The following DMGDH variants were observed in gnomAD, a reference collection of about 807,000 sequenced individuals.
DMGDH encodes the protein dimethylglycine dehydrogenase, also known as dimethylglycine dehydrogenase, mitochondrial.
Under a neutral mutation model 95.2 loss-of-function variants are expected in DMGDH, and 76 were observed. The observed-to-expected ratio is 0.80, with a 90% CI of 0.66 to 0.97. The LOEUF is 0.97. Among genes scored for constraint, DMGDH ranks in the 50% least tolerant of loss-of-function variants. DMGDH has a pLI of 0.00. For synonymous variants in DMGDH, 345 were observed against 377.6 expected (o/e 0.91, Z 1.00); for missense variants, 987 against 1,055.0 (o/e 0.94, Z 0.89).
intron 2 of DMGDH, among the ~76,000 whole-genome samples, chr5:79,056,527 A>G (rs1755034899): frequency 6.6e-6 from 1 of 151,420 alleles, no homozygotes; most frequent in Non-Finnish European, 1.5e-5. Context: ...TGGGCAAAAG[A>G]GCAAAACTCC....
chr5:79,015,128 C>T (rs190418130), intron 14 of DMGDH, among the ~76,000 whole-genome samples: 1 of 152,232 alleles, frequency 6.6e-6, no homozygotes, highest in East Asian at 1.9e-4. Flanking sequence ...CAGAGTCCTC[C>T]AACCCAAGTC....
At chr5:79,004,371 T>C (rs191909989) in intron 15 of DMGDH, among the ~76,000 whole-genome samples, 18 of 152,226 alleles carry the variant, frequency 1.2e-4, no homozygotes, top group African/African-American at 4.3e-4. Flanking sequence ...ACTGATGAGA[T>C]AGAGAAAATG....
chr5:79,067,850 A>G (rs1755423023), intron 1 of DMGDH, among the ~76,000 whole-genome samples: 1 of 152,238 alleles, frequency 6.6e-6, no homozygotes, highest in Admixed American at 6.5e-5. Flanking sequence ...TTTCCAAAAT[A>G]AAACATTTTT....
At chr5:79,056,985 C>G (rs1755052386) in intron 2 of DMGDH, among the ~76,000 whole-genome samples, 1 of 152,202 alleles carries the variant, frequency 6.6e-6, no homozygotes, top group Non-Finnish European at 1.5e-5. Context: ...AGTCTCCACC[C>G]TTCTCTTAAA....
chr5:79,034,656 T>G (rs1754286503), intron 7 of DMGDH, among the ~76,000 whole-genome samples: 1 of 152,170 alleles, frequency 6.6e-6, no homozygotes, highest in Non-Finnish European at 1.5e-5. Context: ...AACCACAGCT[T>G]CTAAGAGCAT....
chr5:78,999,677 G>A (rs530634634), intron 15 of DMGDH, among the ~76,000 whole-genome samples: 15 of 152,228 alleles, frequency 9.9e-5, no homozygotes, highest in South Asian at 4.1e-4. Flanking sequence ...CTGGTTGACC[G>A]TGAAAAAAGA....
rs560803606 is a variant in DMGDH, at chr5:79,000,439, A to T, written c.2386-2142T>A. ...ATACAAGTTGGAAAGAACCATTTTC[A>T]CCTGTTTGGGACAAACTACTGGATC... On this transcript the variant is annotated intron_variant, in intron 15 of 15. Transcript: ENST00000255189. 197 of 621,558 alleles carry T rather than the reference A, an allele frequency of 3.2e-4. 2 individuals carry two copies. Among genetic ancestry groups the T allele is most frequent in the South Asian group, 2.6e-3 (191 of 73,126 alleles). The allele number at this position is 621,558 out of a possible 1,614,324, so 38.5% of individuals were successfully genotyped here.
chr5:79,037,371 A>G (rs1271159354), intron 7 of DMGDH, among the ~76,000 whole-genome samples: 3 of 152,186 alleles, frequency 2.0e-5, no homozygotes, highest in Admixed American at 2.0e-4. Flanking sequence ...CAGGTATGGG[A>G]ACCACTGGCC....
chr5:79,041,857 C>T (rs377352879), intron 7 of DMGDH, among the ~76,000 whole-genome samples: 4 of 152,154 alleles, frequency 2.6e-5, no homozygotes, highest in South Asian at 2.1e-4. Flanking sequence ...AAAAATTAGC[C>T]GGCGTGATGC....
At chr5:79,064,159 C>T (rs996463779) in intron 1 of DMGDH, among the ~76,000 whole-genome samples, 2 of 151,942 alleles carry the variant, frequency 1.3e-5, no homozygotes, top group African/African-American at 2.4e-5. Context: ...TCAAGACAAC[C>T]CTGGGCAACA....
chr5:78,998,233 T>A lies in DMGDH; in HGVS notation c.2450A>T (p.Tyr817Phe), dbSNP rs762005988. Residue 817 changes from tyrosine to phenylalanine, a missense_variant, in exon 16 of 16, where the codon TAT becomes TTT. Transcript: ENST00000255189. Reference protein sequence around the residue: ...YSIQKSLAFAYVPVQLSEVGQ... With the variant: ...YSIQKSLAFAFVPVQLSEVGQ... ...CACTTCACTTAGTTGTACAGGGACA[T>A]ATGCGAAAGCCAGACTCTTCTGGAT... is the stretch of plus-strand genomic sequence containing the variant. The A allele has an allele frequency of 1.2e-6, 2 of 1,614,214 alleles. No individual in the cohort carries two copies. Among genetic ancestry groups the A allele is most frequent in the South Asian group, 2.2e-5 (2 of 91,092 alleles).
At chr5:79,020,240 G>A (rs1275589230) in intron 14 of DMGDH, among the ~76,000 whole-genome samples, 1 of 152,176 alleles carries the variant, frequency 6.6e-6, no homozygotes. Flanking sequence ...CTTGGGTGTA[G>A]CCTGGGCCTT....
intron 10 of DMGDH, 53 bp from the exon 11 acceptor site, chr5:79,030,087 C>T (rs923570828): frequency 1.1e-5 from 16 of 1,432,954 alleles, no homozygotes; most frequent in Admixed American, 1.8e-5. Flanking sequence ...TCACATGCAT[C>T]CTTTTAACAC....
chr5:79,024,648 C>A (rs767919763), intron 13 of DMGDH, among the ~76,000 whole-genome samples: 3 of 152,210 alleles, frequency 2.0e-5, no homozygotes, highest in Admixed American at 2.0e-4. Context: ...ACATGTTTTT[C>A]TGCAATAATT....
chr5:79,026,039 G>A (rs1318412800), intron 13 of DMGDH, among the ~76,000 whole-genome samples: 1 of 152,192 alleles, frequency 6.6e-6, no homozygotes, highest in Non-Finnish European at 1.5e-5. Context: ...CATCAACCCT[G>A]CCCCTCAGAA....
At position 78,997,791 on chromosome 5, in the gene DMGDH, T is replaced by C. The variant is rs996876268; in HGVS notation, c.*291A>G. On this transcript the variant is annotated 3_prime_UTR_variant, in exon 16 of 16. Transcript: ENST00000255189. ...TCCCTTAATTAGGTTATAGTAATGATTGTGTATATTAGCAAACACCTAAAT... is the reference window on the plus strand; with the variant it reads ...TCCCTTAATTAGGTTATAGTAATGACTGTGTATATTAGCAAACACCTAAAT... The C allele has an allele frequency of 2.3e-5, 9 of 393,006 alleles. No homozygotes were observed. Among genetic ancestry groups the C allele is most frequent in the African/African-American group, 1.8e-4 (9 of 49,224 alleles). The allele number at this position is 393,006 out of a possible 1,614,324, so 24.3% of individuals were successfully genotyped here.
At chr5:79,068,634 A>T (rs2112685412) in intron 1 of DMGDH, among the ~76,000 whole-genome samples, 1 of 152,372 alleles carries the variant, frequency 6.6e-6, no homozygotes, top group South Asian at 2.1e-4. Flanking sequence ...TTCAGGTCAT[A>T]GGACATAAAA....
intron 14 of DMGDH, among the ~76,000 whole-genome samples, chr5:79,012,107 G>A (rs1213487958): frequency 3.9e-5 from 6 of 152,266 alleles, no homozygotes; most frequent in South Asian, 2.1e-4. Context: ...TTCTGCCTAT[G>A]AGCCTGTAAA....
Position 79,029,939 on chromosome 5 carries a change from T to G in DMGDH, c.1779A>C (p.Leu593Phe). ...VSHQSPGEFL[L>F]ITGSGSELHD... ...GAAGTTCTGATCCAGAGCCAGTAATTAAAAGAAACTCCCCAGGAGATTGGT... is the reference window on the plus strand; with the variant it reads ...GAAGTTCTGATCCAGAGCCAGTAATGAAAAGAAACTCCCCAGGAGATTGGT... The change falls in exon 11 of 16, where the codon TTA becomes TTC. Residue 593 changes from leucine (L) to phenylalanine (F), a missense_variant. By Grantham distance (22) the Leu-to-Phe change is conservative. Coordinates refer to ENST00000255189, the MANE Select transcript of DMGDH (RefSeq NM_013391.3). The G allele has an allele frequency of 6.2e-7, 1 of 1,614,038 alleles. No individual in the cohort carries two copies. The highest frequency in any genetic ancestry group is 8.5e-7 in the Non-Finnish European group (1 of 1,179,982).
Sources: allele counts gnomAD v4.1 joint callset (sites outside exome capture counted in the v4.1 genomes callset), GRCh38; gene constraint gnomAD v4.1.1; transcripts MANE v1.5; gene names NCBI Gene and HGNC (gene_info 2026-07-23, HGNC 2026-07-21).